ARPC3: variants seen among roughly 807,000 people sequenced by gnomAD.
The protein encoded by ARPC3 is actin-related protein 2/3 complex subunit 3.
Under a neutral mutation model 27.6 loss-of-function variants are expected in ARPC3, and 12 were observed. That is an observed-to-expected ratio of 0.43 (90% CI 0.28 to 0.70). The LOEUF (loss-of-function observed/expected upper bound fraction) is 0.70, where lower values mean the gene tolerates loss of function less well. ARPC3 is among the 30% of genes least tolerant of loss of function. ARPC3 has a pLI of 0.17. For missense variants in ARPC3, 153 were observed against 207.7 expected, an observed-to-expected ratio of 0.74 and a Z score of 1.62; for synonymous variants, 53 against 67.2, an observed-to-expected ratio of 0.79 and a Z score of 1.03.
intron 2 of ARPC3, among the ~76,000 whole-genome samples, chr12:110,444,287 AT>A (rs11346255): frequency 0.14 from 19,511 of 135,840 alleles, 1,552 homozygotes; most frequent in African/African-American, 0.26. Context: ...GTGAAAAAAA[AT>A]TTTTTTTTTT....
intron 3 of ARPC3, among the ~76,000 whole-genome samples, 188 bp downstream of exon 3, chr12:110,440,123 CT>C (rs1353075084): frequency 6.6e-6 from 1 of 152,060 alleles, no homozygotes; most frequent in Admixed American, 6.6e-5. Context: ...TTGCCAACCC[CT>C]GGTATAGAAT....
chr12:110,443,750 C>T (rs570381905), intron 2 of ARPC3, among the ~76,000 whole-genome samples: 1 of 152,184 alleles, frequency 6.6e-6, no homozygotes, highest in East Asian at 1.9e-4. Flanking sequence ...GTTTTCTTAT[C>T]TGTGAAAGAA....
At chr12:110,450,090 G>A (rs1282103735) in intron 1 of ARPC3, among the ~76,000 whole-genome samples, 165 bp downstream of exon 1, 1 of 152,086 alleles carries the variant, frequency 6.6e-6, no homozygotes, top group African/African-American at 2.4e-5. Context: ...GCACCCCCGG[G>A]CCGCCCCAAT....
In ARPC3 at chr12:110,440,104, G is replaced by T. The variant is rs539259586; in HGVS notation, c.183+208C>A. ...GGCAGTGGGCCAAATGTGGCCCTCA[G>T]GTTAGAGTTTGCCAACCCCTGGTAT... On this transcript the variant is annotated intron_variant, in intron 3 of 6. Transcript: ENST00000228825. 2.0e-5 allele frequency among the ~76,000 whole-genome samples: 3 copies of T among 152,192 alleles called. No homozygotes were observed. The South Asian group carries it at 6.2e-4, about 31-fold the overall frequency.
intron 2 of ARPC3, among the ~76,000 whole-genome samples, chr12:110,442,433 C>T (rs1450682451): frequency 6.6e-6 from 1 of 151,988 alleles, no homozygotes; most frequent in Non-Finnish European, 1.5e-5. Context: ...CATGGAGAAA[C>T]CCTGTCTCTA....
intron 1 of ARPC3, among the ~76,000 whole-genome samples, chr12:110,447,178 C>G (rs2062469097): frequency 6.6e-6 from 1 of 152,210 alleles, no homozygotes; most frequent in African/African-American, 2.4e-5. Flanking sequence ...CATCATTCTT[C>G]TTCTCTTAGC....
chr12:110,450,069 T>C (rs1473104851), intron 1 of ARPC3, among the ~76,000 whole-genome samples, 186 bp downstream of exon 1: 2 of 151,778 alleles, frequency 1.3e-5, no homozygotes, highest in African/African-American at 4.8e-5. Context: ...CGCCCCCGCC[T>C]CCCACGACTG....
chr12:110,447,090 C>A (rs1341353160), intron 1 of ARPC3, among the ~76,000 whole-genome samples: 6 of 152,116 alleles, frequency 3.9e-5, no homozygotes, highest in Admixed American at 6.6e-5. Flanking sequence ...ATCAGGGTAC[C>A]CAGCCCCCAG....
At chr12:110,440,204 A>C in intron 3 of ARPC3, 108 bp downstream of exon 3, 1 of 794,768 alleles carries the variant, frequency 1.3e-6, no homozygotes, top group Non-Finnish European at 2.1e-6. Flanking sequence ...GAATTTAAAA[A>C]TTACATGCTG....
chr12:110,437,299 G>T, intron 3 of ARPC3, 147 bp from the exon 4 acceptor site: 1 of 667,696 alleles, frequency 1.5e-6, no homozygotes, highest in Non-Finnish European at 2.7e-6. Flanking sequence ...TTCTCCAAAT[G>T]CACAGTCTCC....
intron 2 of ARPC3, chr12:110,445,119 C>A: frequency 3.7e-6 from 1 of 273,374 alleles, no homozygotes. Context: ...TGTTCTTTTC[C>A]AGGTTGATGA....
At chr12:110,444,850 G>A (rs1205861265) in intron 2 of ARPC3, 1 of 154,698 alleles carries the variant, frequency 6.5e-6, no homozygotes. Flanking sequence ...GACCCTTGCA[G>A]GGTACAGGGA....
chr12:110,450,302 G>T lies in ARPC3; in HGVS notation c.-42C>A, dbSNP rs749473076. On this transcript the variant is annotated 5_prime_UTR_variant, in exon 1 of 7. In the 5' UTR this introduces an upstream ATG that the reference lacks. Transcript: ENST00000228825. ...TTTCAACCCAGAGGAGCAGGATCCAGGTACAGCGGAGCGCTTCCGGTCTGG... is the reference window on the plus strand; with the variant it reads ...TTTCAACCCAGAGGAGCAGGATCCATGTACAGCGGAGCGCTTCCGGTCTGG... The T allele has an allele frequency of 6.2e-7, 1 of 1,613,626 alleles. No individual in the cohort carries two copies. Among genetic ancestry groups the T allele is most frequent in the East Asian group, 2.2e-5 (1 of 44,876 alleles).
At chr12:110,440,659 G>A (rs531234063) in intron 2 of ARPC3, among the ~76,000 whole-genome samples, 209 of 151,066 alleles carry the variant, frequency 1.4e-3, no homozygotes, top group Non-Finnish European at 2.4e-3. Flanking sequence ...CCATTCTCCT[G>A]CCTCAGCCTC....
intron 4 of ARPC3, 62 bp from the exon 5 acceptor site, chr12:110,436,745 CACACACACAT>C: frequency 7.1e-6 from 8 of 1,123,814 alleles, no homozygotes; most frequent in African/African-American, 4.9e-5. Context: ...CACACACACA[CACACACACAT>C]ATTTTACAGG....
chr12:110,446,752 G>A (rs1168085343), intron 1 of ARPC3, among the ~76,000 whole-genome samples: 4 of 151,684 alleles, frequency 2.6e-5, no homozygotes, highest in South Asian at 2.1e-4. Context: ...GGGATTACAG[G>A]TGCGTGCCAC....
chr12:110,437,935 CA>C (rs1363858926), intron 3 of ARPC3, among the ~76,000 whole-genome samples: 3 of 152,078 alleles, frequency 2.0e-5, no homozygotes, highest in Non-Finnish European at 2.9e-5. Flanking sequence ...TTGACCTAAC[CA>C]AAAAGAAAAT....
intron 2 of ARPC3, 23 bp from the exon 3 acceptor site, chr12:110,440,411 A>C (rs1359498057): frequency 6.5e-7 from 1 of 1,533,308 alleles, no homozygotes; most frequent in Admixed American, 1.7e-5. Flanking sequence ...CAAGGGAAGG[A>C]GCACAGAGAA....
At chr12:110,441,421 A>G (rs12822385) in intron 2 of ARPC3, among the ~76,000 whole-genome samples, 109,467 of 152,064 alleles carry the variant, frequency 0.72, 40,201 homozygotes, top group African/African-American at 0.86. Context: ...GTGAGCCACC[A>G]CCCCCGGATT....
Sources: gnomAD v4.1 joint callset for allele counts (sites outside exome capture counted in the v4.1 genomes callset) on GRCh38, gnomAD v4.1.1 for gene constraint, MANE v1.5 for transcripts, NCBI Gene and HGNC (gene_info 2026-07-23, HGNC 2026-07-21) for gene names.